PHACTR4: variants seen among roughly 807,000 people sequenced by gnomAD.
PHACTR4 encodes the protein phosphatase and actin regulator 4, also known as protein phosphatase 1, regulatory subunit 124.
In PHACTR4, 51 loss-of-function variants were observed where a neutral mutation model predicts 72.7. That is an observed-to-expected ratio of 0.70 (90% CI 0.56 to 0.89). The LOEUF (loss-of-function observed/expected upper bound fraction) is 0.89, where lower values mean the gene tolerates loss of function less well. PHACTR4 is among the 40% of genes least tolerant of loss of function. The pLI is 0.00. For missense variants in PHACTR4, 731 were observed against 861.8 expected, an observed-to-expected ratio of 0.85 and a Z score of 1.90; for synonymous variants, 255 against 302.5, an observed-to-expected ratio of 0.84 and a Z score of 1.63.
intron 2 of PHACTR4, among the ~76,000 whole-genome samples, chr1:28,434,355 C>T (rs1347175010): frequency 2.7e-5 from 4 of 149,464 alleles, no homozygotes; most frequent in Non-Finnish European, 1.5e-5. Flanking sequence ...GAGTTTCACT[C>T]TTGTCACCCC....
intron 2 of PHACTR4, among the ~76,000 whole-genome samples, chr1:28,430,516 C>G (rs1023454851): frequency 1.3e-5 from 2 of 152,200 alleles, no homozygotes; most frequent in Admixed American, 1.3e-4. Context: ...CCTTAACTAT[C>G]CAGTGCCAGC....
At chr1:28,487,724 GTTGTTTTT>G (rs1234829608) in intron 9 of PHACTR4, among the ~76,000 whole-genome samples, 7 of 71,468 alleles carry the variant, frequency 9.8e-5, no homozygotes, top group African/African-American at 4.0e-4. Context: ...GTAGTTTTTT[GTTGTTTTT>G]TTTTTTTTTT....
intron 9 of PHACTR4, among the ~76,000 whole-genome samples, chr1:28,481,189 C>T (rs1660258451): frequency 6.6e-6 from 1 of 152,050 alleles, no homozygotes; most frequent in Non-Finnish European, 1.5e-5. Flanking sequence ...CCACCATGCA[C>T]TGCTAATTTT....
chr1:28,389,398 AAAAT>A (rs1323426357), intron 1 of PHACTR4, among the ~76,000 whole-genome samples: 2 of 152,170 alleles, frequency 1.3e-5, no homozygotes, highest in Non-Finnish European at 2.9e-5. Context: ...TAAAAGAAAA[AAAAT>A]AACAAGTGTT....
chr1:28,488,141 G>A (rs953556811), intron 9 of PHACTR4, among the ~76,000 whole-genome samples: 2 of 152,208 alleles, frequency 1.3e-5, no homozygotes, highest in East Asian at 3.9e-4. Flanking sequence ...TAGAATTATA[G>A]AATATCACAC....
intron 2 of PHACTR4, among the ~76,000 whole-genome samples, chr1:28,418,180 G>T (rs1655236874): frequency 6.6e-6 from 1 of 151,806 alleles, no homozygotes; most frequent in African/African-American, 2.4e-5. Flanking sequence ...AAATACATTT[G>T]TCCGGCTGGG....
chr1:28,486,165 T>G (rs1660633375), intron 9 of PHACTR4, among the ~76,000 whole-genome samples: 1 of 152,016 alleles, frequency 6.6e-6, no homozygotes, highest in Admixed American at 6.6e-5. Context: ...GAGACCAGCC[T>G]GATCAACATG....
intron 8 of PHACTR4, 81 bp downstream of exon 8, chr1:28,476,372 G>A (rs575953487): frequency 7.2e-7 from 1 of 1,380,680 alleles, no homozygotes; most frequent in Non-Finnish European, 9.6e-7. Context: ...TGTCAAAAGA[G>A]ATATGGAAAC....
chr1:28,438,459 A>T (rs1047688782), intron 2 of PHACTR4: 1 of 1,611,028 alleles, frequency 6.2e-7, no homozygotes, highest in Non-Finnish European at 8.5e-7. Flanking sequence ...AGAAACAGAA[A>T]ATCTTGACAG....
Position 28,431,384 on chromosome 1 carries a change from A to G in PHACTR4, c.16+23921A>G, listed in dbSNP as rs544370516. On this transcript the variant is annotated intron_variant, in intron 2 of 13. Transcript: ENST00000373839. Reference sequence around the variant, plus strand: ...TAATTTTTGTATTTTTAGTAAAGACAGGGTTTCACCATGTTAGCCAGGATG... The same window carrying G: ...TAATTTTTGTATTTTTAGTAAAGACGGGGTTTCACCATGTTAGCCAGGATG... Among the ~76,000 whole-genome samples the G allele has an allele frequency of 2.2e-4, 33 of 148,916 alleles. No individual in the cohort carries two copies. In the East Asian group the frequency reaches 6.1e-3, roughly 28 times the overall value.
intron 2 of PHACTR4, chr1:28,433,170 C>G (rs1410923810): frequency 1.2e-6 from 1 of 817,026 alleles, no homozygotes; most frequent in Non-Finnish European, 1.5e-6. Flanking sequence ...TATTAGCTAA[C>G]AAATAACAAG....
chr1:28,450,783 C>T (rs1369650782), intron 2 of PHACTR4, among the ~76,000 whole-genome samples: 1 of 150,762 alleles, frequency 6.6e-6, no homozygotes, highest in African/African-American at 2.5e-5. Context: ...CCACGCCCAG[C>T]CAATTGTTGT....
chr1:28,440,394 CTT>C (rs1223295576), intron 2 of PHACTR4, among the ~76,000 whole-genome samples: 2 of 83,232 alleles, frequency 2.4e-5, no homozygotes, highest in Non-Finnish European at 4.5e-5. Context: ...TTCATCAATT[CTT>C]TTTTTTTTTT....
chr1:28,475,042 T>C lies in PHACTR4; in HGVS notation c.1421+891T>C, dbSNP rs183040454. Reference sequence around the variant, plus strand: ...TTGGCTCACTGCAACCTCCATCTCCTGGGCTCAAGCAATTCTCCCTCCTCA... The same window carrying C: ...TTGGCTCACTGCAACCTCCATCTCCCGGGCTCAAGCAATTCTCCCTCCTCA... On this transcript the variant is annotated intron_variant, in intron 7 of 13. Coordinates refer to ENST00000373839, the MANE Select transcript of PHACTR4 (RefSeq NM_001048183.3). Among the ~76,000 whole-genome samples the C allele has an allele frequency of 8.9e-3, 1,347 of 151,758 alleles. 18 individuals are homozygous for C. The highest frequency in any genetic ancestry group is 0.031 in the African/African-American group (1,288 of 41,398).
chr1:28,405,382 A>G (rs1250513805), intron 1 of PHACTR4, among the ~76,000 whole-genome samples: 2 of 151,922 alleles, frequency 1.3e-5, no homozygotes, highest in Non-Finnish European at 2.9e-5. Flanking sequence ...GCTAGAGTTC[A>G]GTGGCATGTT....
In PHACTR4 at chr1:28,376,933, G is replaced by A. The variant is rs565195585; in HGVS notation, c.-39+7108G>A. On this transcript the variant is annotated intron_variant, in intron 1 of 13. Coordinates refer to ENST00000373839, the MANE Select transcript of PHACTR4 (RefSeq NM_001048183.3). ...ATTACAGGCGTGAGCCAGCGCGCCC[G>A]GCCTTAATTTTTTTTTGAAATGAGT... is the stretch of plus-strand genomic sequence containing the variant. 5.3e-4 allele frequency among the ~76,000 whole-genome samples: 80 copies of A among 150,536 alleles called. 1 individual carries two copies. In the South Asian group the frequency reaches 0.011, roughly 20 times the overall value.
chr1:28,465,257 C>G (rs533771083), intron 4 of PHACTR4, among the ~76,000 whole-genome samples: 2 of 151,966 alleles, frequency 1.3e-5, no homozygotes, highest in African/African-American at 4.8e-5. Flanking sequence ...GTCAGGAGAT[C>G]GAGACCATCC....
At chr1:28,495,280 C>G (rs760746425) in intron 13 of PHACTR4, among the ~76,000 whole-genome samples, 4 of 151,098 alleles carry the variant, frequency 2.6e-5, no homozygotes, top group Non-Finnish European at 5.9e-5. Context: ...CTTTTTTTTT[C>G]TTTTTTTAAT....
At chr1:28,448,780 A>AAAAAAAAAAAAAAAAAAC (rs1553195455) in intron 2 of PHACTR4, among the ~76,000 whole-genome samples, 2 of 134,386 alleles carry the variant, frequency 1.5e-5, no homozygotes, top group African/African-American at 6.8e-5. Context: ...AAAAAAAAAA[A>AAAAAAAAAAAAAAAAAAC]AAAAACCTGA....
Sources: gnomAD v4.1 joint callset for allele counts (sites outside exome capture counted in the v4.1 genomes callset) on GRCh38, gnomAD v4.1.1 for gene constraint, MANE v1.5 for transcripts, NCBI Gene and HGNC (gene_info 2026-07-23, HGNC 2026-07-21) for gene names.